DIS3: variants seen among roughly 807,000 people sequenced by gnomAD.
The protein encoded by DIS3 is DIS3 exosome endoribonuclease and 3'-5' exoribonuclease.
DIS3 carries 103 observed loss-of-function variants against 113.0 expected under a neutral mutation model. The observed-to-expected ratio is 0.91, with a 90% confidence interval of 0.78 to 1.07. The LOEUF (loss-of-function observed/expected upper bound fraction) is 1.07, where lower values mean the gene tolerates loss of function less well. Ranked by LOEUF, DIS3 falls within the 50% of genes least tolerant of loss-of-function variation. The probability of loss-of-function intolerance (pLI) is 0.00; values close to 1 mark genes in which losing one functional copy is unlikely to be tolerated. For synonymous variants in DIS3, 402 were observed against 394.3 expected (o/e 1.02, Z -0.23); for missense variants, 1,121 against 1,167.1 (o/e 0.96, Z 0.58).
chr13:72,775,627 G>A (rs1224859705), intron 5 of DIS3, among the ~76,000 whole-genome samples: 1 of 152,054 alleles, frequency 6.6e-6, no homozygotes, highest in Non-Finnish European at 1.5e-5. Context: ...CTGGTAACAA[G>A]AGACTTTGGA....
At position 72,753,411 on chromosome 13, in the gene DIS3, AT is replaced by A. The variant is rs1334506141; in HGVS notation, c.*6383del. The A allele has an allele frequency of 1.2e-5, 3 of 247,562 alleles. No individual in the cohort carries two copies. The highest frequency in any genetic ancestry group is 2.3e-5 in the Non-Finnish European group (3 of 129,998). 15.3% of individuals were successfully genotyped at this position (247,562 alleles called of 1,614,324 possible). A position where few individuals can be genotyped will look rare whatever the true frequency, so the allele number is the denominator to read the frequency against. On this transcript the variant is annotated 3_prime_UTR_variant, in exon 21 of 21. Coordinates refer to ENST00000377767, the MANE Select transcript of DIS3 (RefSeq NM_014953.5). The stretch of plus-strand genomic sequence containing the variant: ...TTTGTCTACTAGGTACGATCACAAA[AT>A]AACAGGAAAGCATTGTGTCAGTAGG...
At position 72,755,298 on chromosome 13, in the gene DIS3, G is replaced by C; in HGVS notation, c.*4497C>G. 8.2e-7 allele frequency: 1 copy of C among 1,225,174 alleles called. No homozygotes were observed. Among genetic ancestry groups the C allele is most frequent in the South Asian group, 1.3e-5 (1 of 77,374 alleles). 75.9% of individuals were successfully genotyped at this position (1,225,174 alleles called of 1,614,324 possible). A position where few individuals can be genotyped will look rare whatever the true frequency, so the allele number is the denominator to read the frequency against. On this transcript the variant is annotated 3_prime_UTR_variant, in exon 21 of 21. Coordinates refer to ENST00000377767, the MANE Select transcript of DIS3 (RefSeq NM_014953.5). The stretch of plus-strand genomic sequence containing the variant: ...GCACAGGATCAACATGATGGTGACT[G>C]GGAAAAAATTACTTCAAGTAACATG...
chr13:72,768,140 TA>T (rs2033798314), intron 14 of DIS3, among the ~76,000 whole-genome samples: 1 of 152,228 alleles, frequency 6.6e-6, no homozygotes, highest in Non-Finnish European at 1.5e-5. Flanking sequence ...AAGGAGGACC[TA>T]ATCTACGTTT....
Position 72,752,324 on chromosome 13 carries a change from G to A in DIS3, c.*7471C>T, listed in dbSNP as rs1292781795. 6.6e-6 allele frequency: 1 copy of A among 152,154 alleles called. No homozygotes were observed. The highest frequency in any genetic ancestry group is 1.5e-5 in the Non-Finnish European group (1 of 68,042). 9.4% of individuals were successfully genotyped at this position (152,154 alleles called of 1,614,324 possible). ...CCTTGATGCCTGTGGGGGATAACAA[G>A]GTATCTGTTGCCTGGTTGGTACATA... On this transcript the variant is annotated 3_prime_UTR_variant, in exon 21 of 21. Coordinates refer to ENST00000377767, the MANE Select transcript of DIS3 (RefSeq NM_014953.5).
rs1216717811 is a variant in DIS3 at position 72,781,629 on chromosome 13, G to C, written c.204C>G (p.Pro68=). The C allele has an allele frequency of 9.1e-6, 14 of 1,537,134 alleles. No individual in the cohort carries two copies. Among genetic ancestry groups the C allele is most frequent in the Admixed American group, 8.0e-5 (4 of 49,718 alleles). The change falls in exon 1 of 21, where the codon CCC becomes CCG. Residue 68 remains proline (P), a synonymous_variant. Transcript: ENST00000377767. ...SVCPQPHYLL[P]DTNVLLHQID... is the part of the protein sequence containing the mutation. The stretch of plus-strand genomic sequence containing the variant: ...CCTGGTGCAGTAACACATTAGTGTC[G>C]GGCAGCAAGTAGTGCGGTTGCGGGC...
At chr13:72,771,320 T>C (rs969770482) in intron 11 of DIS3, among the ~76,000 whole-genome samples, 175 bp from the exon 12 acceptor site, 15 of 152,188 alleles carry the variant, frequency 9.9e-5, no homozygotes, top group Admixed American at 2.0e-4. Context: ...AAAGCACTTA[T>C]ACAAAATTGT....
At chr13:72,779,780 A>G (rs943934374) in intron 2 of DIS3, among the ~76,000 whole-genome samples, 1 of 150,258 alleles carries the variant, frequency 6.7e-6, no homozygotes, top group Non-Finnish European at 1.5e-5. Context: ...TGGGGGGGGT[A>G]AGGGGTGGTG....
chr13:72,771,003 A>G lies in DIS3; in HGVS notation c.1671-15T>C. The G allele has an allele frequency of 6.2e-7, 1 of 1,608,130 alleles. No individual in the cohort carries two copies. On this transcript the variant is annotated splice_polypyrimidine_tract_variant and intron_variant, in intron 12 of 20. Coordinates refer to ENST00000377767, the MANE Select transcript of DIS3 (RefSeq NM_014953.5). ...AAAATGCCAGCCTGTGAAGGAAAAT[A>G]CAGAGTATTTGTTAATGGGAATCAG...
intron 5 of DIS3, among the ~76,000 whole-genome samples, 190 bp downstream of exon 5, chr13:72,775,735 C>T: frequency 6.6e-6 from 1 of 151,328 alleles, no homozygotes; most frequent in South Asian, 2.1e-4. Flanking sequence ...AATGAAATGC[C>T]ATGCGCAAAG....
rs1404453356 is a variant in DIS3 at position 72,763,537 on chromosome 13, C to G, written c.2041G>C (p.Glu681Gln). Residue 681 changes from glutamate to glutamine, a missense_variant, in exon 16 of 21, where the codon GAA becomes CAA. Coordinates refer to ENST00000377767, the MANE Select transcript of DIS3 (RefSeq NM_014953.5). ...NISVAKKIHE[E>Q]FSEHALLRKH... Reference sequence around the variant, plus strand: ...CGAAGCAGAGCATGTTCAGAAAATTCCTCATGAATTTTTTTTGCAACAGAA... The same window carrying G: ...CGAAGCAGAGCATGTTCAGAAAATTGCTCATGAATTTTTTTTGCAACAGAA... 2 of 1,613,618 alleles carry G rather than the reference C, an allele frequency of 1.2e-6. No individual in the cohort carries two copies. The highest frequency in any genetic ancestry group is 2.2e-5 in the South Asian group (2 of 90,940).
At chr13:72,769,501 T>C (rs1358747749) in intron 13 of DIS3, among the ~76,000 whole-genome samples, 1 of 151,506 alleles carries the variant, frequency 6.6e-6, no homozygotes, top group Admixed American at 6.6e-5. Flanking sequence ...TTTTCCTTTT[T>C]TTTTTTTTTG....
Position 72,781,651 on chromosome 13 carries a change from G to C in DIS3, c.182C>G (p.Pro61Arg), listed in dbSNP as rs1442634637. The C allele has an allele frequency of 9.7e-6, 15 of 1,544,974 alleles. No homozygotes were observed. The South Asian group carries it at 1.5e-4, about 16-fold the overall frequency. ...QPQDPASSVCPQPHYLLPDTN... is the reference protein window; with the variant it reads ...QPQDPASSVCRQPHYLLPDTN... ...GTCGGGCAGCAAGTAGTGCGGTTGC[G>C]GGCAGACGCTGCTCGCCGGGTCCTG... The change falls in exon 1 of 21, where the codon CCG (proline) becomes CGG (arginine). Residue 61 changes from proline to arginine, a missense_variant. Transcript: ENST00000377767.
At chr13:72,780,791 C>T in intron 2 of DIS3, 55 bp downstream of exon 2, 1 of 1,510,288 alleles carries the variant, frequency 6.6e-7, no homozygotes. Flanking sequence ...GGAACCCTCT[C>T]CCGAATTTTG....
intron 9 of DIS3, 46 bp downstream of exon 9, chr13:72,772,647 A>G: frequency 1.3e-6 from 2 of 1,551,794 alleles, no homozygotes; most frequent in Non-Finnish European, 1.7e-6. Flanking sequence ...AAAACTAGGC[A>G]GGATATAATA....
In DIS3 at chr13:72,755,113, C is replaced by A. The variant is rs143482374; in HGVS notation, c.*4682G>T. 1,650 of 1,590,088 alleles carry A rather than the reference C, an allele frequency of 1.0e-3. 17 individuals are homozygous for A. In the African/African-American group the frequency reaches 0.018, roughly 17 times the overall value. On this transcript the variant is annotated 3_prime_UTR_variant, in exon 21 of 21. Coordinates refer to ENST00000377767, the MANE Select transcript of DIS3 (RefSeq NM_014953.5). Reference sequence around the variant, plus strand: ...ATAATTGCATCCTCCAGTGGTCCTACTTAAACTGAAAACAAGGTATTGTCT... The same window carrying A: ...ATAATTGCATCCTCCAGTGGTCCTAATTAAACTGAAAACAAGGTATTGTCT...
intron 18 of DIS3, 62 bp from the exon 19 acceptor site, chr13:72,761,583 G>C (rs941589684): frequency 6.6e-7 from 1 of 1,523,372 alleles, no homozygotes; most frequent in Admixed American, 2.3e-5. Context: ...ACAAAAAATT[G>C]AAATTAAATT....
intron 6 of DIS3, 116 bp downstream of exon 6, chr13:72,775,095 T>C: frequency 4.3e-6 from 5 of 1,168,538 alleles, no homozygotes; most frequent in Non-Finnish European, 5.9e-6. Flanking sequence ...GCGTTAAATA[T>C]ACAGAACTAT....
intron 13 of DIS3, among the ~76,000 whole-genome samples, chr13:72,770,470 G>A (rs1372285227): frequency 6.6e-6 from 1 of 152,134 alleles, no homozygotes; most frequent in Non-Finnish European, 1.5e-5. Context: ...CAAGAAGTGG[G>A]CAGGAATCTC....
rs142487656 is a variant in DIS3 at position 72,778,319 on chromosome 13, G to C, written c.448C>G (p.Arg150Gly). ...TCATTGTACCATTTTGCTGCTACTC[G>C]AATCGCTCTATCATTCCTGTCATTA... The part of the protein sequence containing the change: ...NANDRNDRAI[R>G]VAAKWYNEHL... The change falls in exon 3 of 21, where the codon CGA becomes GGA. Residue 150 changes from arginine (R) to glycine (G), a missense_variant. This residue lies in a region of DIS3 where 254 missense variants were observed against 232.2 expected (regional missense o/e 1.09). Coordinates refer to ENST00000377767, the MANE Select transcript of DIS3 (RefSeq NM_014953.5). 2 of 1,601,310 alleles carry C rather than the reference G, an allele frequency of 1.2e-6. No homozygotes were observed. The highest frequency in any genetic ancestry group is 1.7e-6 in the Non-Finnish European group (2 of 1,170,732).
Sources: allele counts gnomAD v4.1 joint callset (sites outside exome capture counted in the v4.1 genomes callset), GRCh38; gene constraint gnomAD v4.1.1; regional missense constraint gnomAD v4.1.1; transcripts MANE v1.5; gene names NCBI Gene and HGNC (gene_info 2026-07-23, HGNC 2026-07-21).